The following SLC7A14 variants were observed in gnomAD, a reference collection of about 807,000 sequenced individuals.
The protein encoded by SLC7A14 is solute carrier family 7 member 14.
A neutral mutation model predicts 60.2 loss-of-function variants in SLC7A14; 37 were observed. That is an observed-to-expected ratio of 0.61 (90% CI 0.47 to 0.81). SLC7A14 has a LOEUF of 0.81. Ranked by LOEUF, SLC7A14 falls within the 30% of genes least tolerant of loss-of-function variation. The pLI is 0.00. For missense variants in SLC7A14, 886 were observed against 982.7 expected (o/e 0.90, Z 1.32); for synonymous variants, 399 against 395.8 (o/e 1.01, Z -0.10).
chr3:170,540,508 G>A (rs940508539), intron 1 of SLC7A14, among the ~76,000 whole-genome samples: 3 of 151,788 alleles, frequency 2.0e-5, no homozygotes, highest in African/African-American at 7.3e-5. Flanking sequence ...GACAGTCTGG[G>A]AATTTAAAAC....
chr3:170,492,528 T>C (rs1712255436), intron 4 of SLC7A14, among the ~76,000 whole-genome samples: 2 of 152,070 alleles, frequency 1.3e-5, no homozygotes, highest in Admixed American at 1.3e-4. Flanking sequence ...GACCTTTGTA[T>C]TTGATGATAT....
intron 1 of SLC7A14, among the ~76,000 whole-genome samples, chr3:170,576,649 T>C (rs1360967308): frequency 6.6e-6 from 1 of 152,238 alleles, no homozygotes; most frequent in Non-Finnish European, 1.5e-5. Context: ...GCTCTCTGTC[T>C]GCATCAATTG....
intron 2 of SLC7A14, among the ~76,000 whole-genome samples, chr3:170,510,417 T>C (rs373804269): frequency 7.1e-6 from 1 of 141,306 alleles, no homozygotes; most frequent in Non-Finnish European, 1.6e-5. Flanking sequence ...AATAAATAAA[T>C]AAATAAAGAA....
intron 2 of SLC7A14, among the ~76,000 whole-genome samples, chr3:170,508,825 T>C (rs1325735806): frequency 1.3e-5 from 2 of 152,162 alleles, no homozygotes; most frequent in African/African-American, 4.8e-5. Context: ...TGAAGAGAAA[T>C]CACAGGACCT....
rs116045434 is a variant in SLC7A14 at position 170,460,849 on chromosome 3, C to G, written c.*6206G>C. The stretch of plus-strand genomic sequence containing the variant: ...ACCTGTTGTCCGAAGACCTTAAGCC[C>G]AAAGCTATCTGTGAAAGTCCTATAG... On this transcript the variant is annotated 3_prime_UTR_variant, in exon 8 of 8. Transcript: ENST00000231706. 6.6e-6 allele frequency: 1 copy of G among 152,160 alleles called. No homozygotes were observed. Among genetic ancestry groups the G allele is most frequent in the Admixed American group, 6.5e-5 (1 of 15,278 alleles). The allele number at this position is 152,160 out of a possible 1,614,324, so 9.4% of individuals were successfully genotyped here.
Position 170,498,667 on chromosome 3 carries a change from C to A in SLC7A14, c.759G>T (p.Gly253=). ...CACCAGGTGTTTGGAACAAACTTAC[C>A]CCTGACCAGCCGTGGGGCAAGAACT... The part of the protein sequence containing the change: ...EGQFLPHGWS[G]VLQGAATCFY... The change falls in exon 4 of 8, where the codon GGG becomes GGT. Residue 253 remains glycine, a splice_region_variant and synonymous_variant. Transcript: ENST00000231706. 6.2e-7 allele frequency: 1 copy of A among 1,613,944 alleles called. No homozygotes were observed. Among genetic ancestry groups the A allele is most frequent in the Non-Finnish European group, 8.5e-7 (1 of 1,179,960 alleles).
Position 170,555,772 on chromosome 3 carries a change from T to C in SLC7A14, c.-152-28684A>G, listed in dbSNP as rs148002331. Reference sequence around the variant, plus strand: ...AATCTTATGGGACCACGGTTGTATATGTAGTTTGTTGACTCAAACACCATT... The same window carrying C: ...AATCTTATGGGACCACGGTTGTATACGTAGTTTGTTGACTCAAACACCATT... On this transcript the variant is annotated intron_variant, in intron 1 of 7. Transcript: ENST00000231706. 3.1e-3 allele frequency among the ~76,000 whole-genome samples: 469 copies of C among 152,380 alleles called. 2 individuals carry two copies. The highest frequency in any genetic ancestry group is 0.01 in the African/African-American group (420 of 41,594).
chr3:170,472,592 C>T (rs897378610), intron 7 of SLC7A14, among the ~76,000 whole-genome samples: 6 of 151,776 alleles, frequency 4.0e-5, no homozygotes, highest in East Asian at 1.9e-4. Context: ...GGTGAAACCC[C>T]GTCTCTACTA....
chr3:170,538,917 T>A (rs188506311), intron 1 of SLC7A14, among the ~76,000 whole-genome samples: 1 of 152,346 alleles, frequency 6.6e-6, no homozygotes, highest in East Asian at 1.9e-4. Context: ...TCAGCTTATA[T>A]CCCATCTGTC....
At chr3:170,573,918 C>T (rs1715016841) in intron 1 of SLC7A14, among the ~76,000 whole-genome samples, 1 of 152,174 alleles carries the variant, frequency 6.6e-6, no homozygotes, top group Non-Finnish European at 1.5e-5. Flanking sequence ...ATAGCCTGGG[C>T]CACACTTAGA....
intron 5 of SLC7A14, among the ~76,000 whole-genome samples, chr3:170,483,996 C>T (rs1241853628): frequency 6.6e-6 from 1 of 152,214 alleles, no homozygotes; most frequent in Non-Finnish European, 1.5e-5. Flanking sequence ...CTGTGAAACA[C>T]CAGAGATAAA....
intron 1 of SLC7A14, among the ~76,000 whole-genome samples, chr3:170,557,741 T>C (rs1448967755): frequency 1.3e-5 from 2 of 152,182 alleles, no homozygotes; most frequent in Non-Finnish European, 2.9e-5. Context: ...AAAAGTATTA[T>C]TGTAAGGATT....
At chr3:170,557,448 G>A (rs1714517653) in intron 1 of SLC7A14, among the ~76,000 whole-genome samples, 1 of 152,194 alleles carries the variant, frequency 6.6e-6, no homozygotes, top group African/African-American at 2.4e-5. Flanking sequence ...GTCAGGTGCT[G>A]TGCTGGAGCA....
rs1715359771 is a variant in SLC7A14 at position 170,585,523 on chromosome 3, C to A, written c.-153+388G>T. Among the ~76,000 whole-genome samples, 2 of 152,170 alleles carry A rather than the reference C, an allele frequency of 1.3e-5. No homozygotes were observed. The highest frequency in any genetic ancestry group is 2.4e-5 in the African/African-American group (1 of 41,448). ...GCGCCAAGGCGGGGGACAGGACGGG[C>A]CCGGCGTCTGCCGAGACCTAGGCTG... On this transcript the variant is annotated intron_variant, in intron 1 of 7. Transcript: ENST00000231706. This position sits in a 1 kb window ranked among gnomAD's most constrained non-coding sequence, Gnocchi z 5.1.
At chr3:170,468,149 C>T (rs1427875149) in intron 7 of SLC7A14, among the ~76,000 whole-genome samples, 1 of 152,152 alleles carries the variant, frequency 6.6e-6, no homozygotes, top group Non-Finnish European at 1.5e-5. Flanking sequence ...CGTGAAATGT[C>T]CAGTGCAACC....
chr3:170,549,214 CTTTTTTTTT>C (rs113114531), intron 1 of SLC7A14, among the ~76,000 whole-genome samples: 8,544 of 129,514 alleles, frequency 0.066, 324 homozygotes, highest in South Asian at 0.11. Flanking sequence ...CGGCCTTCTT[CTTTTTTTTT>C]TTTTTTTTTT....
intron 1 of SLC7A14, among the ~76,000 whole-genome samples, chr3:170,567,159 T>TCC (rs1714816399): frequency 1.2e-5 from 1 of 80,898 alleles, no homozygotes; most frequent in Non-Finnish European, 2.3e-5. Context: ...CCCTCCCCCC[T>TCC]CCCCCCACCC....
At chr3:170,536,574 G>C (rs1435623869) in intron 1 of SLC7A14, among the ~76,000 whole-genome samples, 1 of 152,162 alleles carries the variant, frequency 6.6e-6, no homozygotes, top group Admixed American at 6.5e-5. Flanking sequence ...TGAAAAGTGA[G>C]AGCACACTAT....
Position 170,585,595 on chromosome 3 carries a change from G to A in SLC7A14, c.-153+316C>T, listed in dbSNP as rs1259340497. 6.6e-6 allele frequency among the ~76,000 whole-genome samples: 1 copy of A among 152,132 alleles called. No individual in the cohort carries two copies. Among genetic ancestry groups the A allele is most frequent in the African/African-American group, 2.4e-5 (1 of 41,432 alleles). Reference sequence around the variant, plus strand: ...CCCTTCTGCCTCCCGCTCTAGCGGCGCCGGAGCCGCGCTGGCCCCCGCCCC... The same window carrying A: ...CCCTTCTGCCTCCCGCTCTAGCGGCACCGGAGCCGCGCTGGCCCCCGCCCC... On this transcript the variant is annotated intron_variant, in intron 1 of 7. Coordinates refer to ENST00000231706, the MANE Select transcript of SLC7A14 (RefSeq NM_020949.3). The surrounding 1 kb of genome is among the most constrained non-coding windows in gnomAD (Gnocchi z 5.1).
Sources: allele counts gnomAD v4.1 joint callset (sites outside exome capture counted in the v4.1 genomes callset), GRCh38; gene constraint gnomAD v4.1.1; non-coding constraint Gnocchi (gnomAD v3.1); transcripts MANE v1.5; gene names NCBI Gene and HGNC (gene_info 2026-07-23, HGNC 2026-07-21).